Variants in STARD13 observed in about 807,000 individuals in gnomAD.
STARD13 encodes StAR related lipid transfer domain containing 13.
STARD13 carries 62 observed loss-of-function variants against 106.4 expected under a neutral mutation model. That is an observed-to-expected ratio of 0.58 (90% CI 0.48 to 0.72). The LOEUF is 0.72. Among genes scored for constraint, STARD13 ranks in the 30% least tolerant of loss-of-function variants. The probability of loss-of-function intolerance (pLI) is 0.00; values close to 1 mark genes in which losing one functional copy is unlikely to be tolerated. For missense variants in STARD13, 1,387 were observed against 1,424.0 expected (o/e 0.97, Z 0.42); for synonymous variants, 565 against 553.0 (o/e 1.02, Z -0.31).
intron 1 of STARD13, among the ~76,000 whole-genome samples, chr13:33,235,738 A>G (rs559875802): frequency 1.3e-5 from 2 of 152,326 alleles, no homozygotes; most frequent in African/African-American, 4.8e-5. Flanking sequence ...TCCAAATGCA[A>G]ATTCTTGGGT....
chr13:33,163,603 AAAATAT>A (rs1185224767), intron 3 of STARD13, among the ~76,000 whole-genome samples: 2 of 126,774 alleles, frequency 1.6e-5, no homozygotes, highest in East Asian at 2.3e-4. Context: ...AAAAAAAAAA[AAAATAT>A]ATATATATAT....
At chr13:33,201,865 A>C (rs1887061569) in intron 1 of STARD13, among the ~76,000 whole-genome samples, 1 of 152,212 alleles carries the variant, frequency 6.6e-6, no homozygotes, top group Non-Finnish European at 1.5e-5. Flanking sequence ...CCTTATGGTC[A>C]ACATAATTAG....
intron 1 of STARD13, among the ~76,000 whole-genome samples, chr13:33,187,827 C>T (rs183222305): frequency 2.0e-5 from 3 of 152,034 alleles, no homozygotes; most frequent in African/African-American, 4.8e-5. Flanking sequence ...GGATTACAGA[C>T]CTGTGCCACC....
the STARD13 span, among the ~76,000 whole-genome samples, chr13:33,621,230 A>AAC: frequency 0.052 from 7,962 of 152,188 alleles, 385 homozygotes; most frequent in East Asian, 0.17. Flanking sequence ...AAAAAGTGAA[A>AAC]ACAAATTATT....
intron 3 of STARD13, among the ~76,000 whole-genome samples, chr13:33,150,984 T>C (rs185614968): frequency 2.0e-3 from 298 of 152,302 alleles, no homozygotes; most frequent in Non-Finnish European, 2.7e-3. Context: ...GAGAATCTCA[T>C]GGTCCCATGT....
At chr13:33,110,166 T>C (rs1874325632) in intron 11 of STARD13, 76 bp from the exon 12 acceptor site, 1 of 1,359,978 alleles carries the variant, frequency 7.4e-7, no homozygotes, top group African/African-American at 1.4e-5. Context: ...GGGCTTTTAG[T>C]TTTGCTATCA....
chr13:33,309,348 G>A (rs915251711), intron 1 of STARD13, among the ~76,000 whole-genome samples: 2 of 152,162 alleles, frequency 1.3e-5, no homozygotes, highest in African/African-American at 2.4e-5. Context: ...AAGCGGCAGA[G>A]CTGGAAGTAG....
At chr13:33,519,208 T>TTCTTTC in the STARD13 span, among the ~76,000 whole-genome samples, 51 of 101,590 alleles carry the variant, frequency 5.0e-4, no homozygotes, top group African/African-American at 2.2e-3. Context: ...CTTGGTAATT[T>TTCTTTC]TTTCTTTCTT....
chr13:33,410,025 G>T, the STARD13 span, among the ~76,000 whole-genome samples: 1 of 152,154 alleles, frequency 6.6e-6, no homozygotes, highest in African/African-American at 2.4e-5. Context: ...TGCACACCAT[G>T]TACTGTATAT....
At chr13:33,239,487 T>A (rs1889360065) in intron 1 of STARD13, among the ~76,000 whole-genome samples, 2 of 152,176 alleles carry the variant, frequency 1.3e-5, no homozygotes, top group African/African-American at 4.8e-5. Flanking sequence ...TGTTTTTTAT[T>A]CCCATCAACA....
the STARD13 span, among the ~76,000 whole-genome samples, chr13:33,375,560 G>A: frequency 6.6e-6 from 1 of 152,102 alleles, no homozygotes; most frequent in African/African-American, 2.4e-5. Context: ...AGGAAACTTA[G>A]AATCATGGCA....
chr13:33,185,877 C>T, intron 1 of STARD13: 3 of 1,614,002 alleles, frequency 1.9e-6, no homozygotes, highest in Non-Finnish European at 2.5e-6. Context: ...CCAGCACTTA[C>T]CCCGGCGCTG....
At chr13:33,139,737 A>G (rs1879561760) in intron 4 of STARD13, among the ~76,000 whole-genome samples, 2 of 148,650 alleles carry the variant, frequency 1.3e-5, no homozygotes, top group African/African-American at 2.5e-5. Context: ...GCCTAGTCTT[A>G]GCTCCTATTC....
At chr13:33,204,249 T>C (rs1011105161) in intron 1 of STARD13, among the ~76,000 whole-genome samples, 4 of 152,210 alleles carry the variant, frequency 2.6e-5, no homozygotes, top group African/African-American at 9.6e-5. Context: ...CTGGTTGGCA[T>C]AGATGATTCC....
the STARD13 span, among the ~76,000 whole-genome samples, chr13:33,477,748 T>C: frequency 6.6e-6 from 1 of 152,300 alleles, no homozygotes; most frequent in African/African-American, 2.4e-5. Flanking sequence ...AGATTCCCCA[T>C]GACTGAGAAA....
chr13:33,637,640 A>G, the STARD13 span, among the ~76,000 whole-genome samples: 1 of 152,178 alleles, frequency 6.6e-6, no homozygotes, highest in African/African-American at 2.4e-5. Context: ...TTCAACTAAC[A>G]TGGCATTTTC....
intron 1 of STARD13, among the ~76,000 whole-genome samples, chr13:33,230,205 G>A (rs1888843248): frequency 6.6e-6 from 1 of 152,194 alleles, no homozygotes; most frequent in South Asian, 2.1e-4. Flanking sequence ...GATAAATCTT[G>A]TATTGGAAAA....
chr13:33,105,604 T>A lies in STARD13; in HGVS notation c.3331A>T (p.Thr1111Ser). ...ACACTGGGCAAAACTCAGATTTTAGTTTCTGGGCCCTCAGCAATGAGGGGC... is the reference window on the plus strand; with the variant it reads ...ACACTGGGCAAAACTCAGATTTTAGATTCTGGGCCCTCAGCAATGAGGGGC... The part of the protein sequence containing the change: ...FQPLIAEGPE[T>S]KI The change falls in exon 14 of 14, where the codon ACT becomes TCT. Residue 1111 changes from threonine to serine, a missense_variant. Physicochemically the swap from Thr to Ser is moderately conservative, Grantham distance 58 (BLOSUM62 1). Coordinates refer to ENST00000336934, the MANE Select transcript of STARD13 (RefSeq NM_178006.4). The A allele has an allele frequency of 6.2e-7, 1 of 1,613,066 alleles. No individual in the cohort carries two copies. The highest frequency in any genetic ancestry group is 8.5e-7 in the Non-Finnish European group (1 of 1,178,996).
chr13:33,425,537 A>G, the STARD13 span, among the ~76,000 whole-genome samples: 1 of 152,250 alleles, frequency 6.6e-6, no homozygotes, highest in Non-Finnish European at 1.5e-5. Flanking sequence ...TATTGTAATG[A>G]TTGGGATCTT....
Sources: allele counts gnomAD v4.1 joint callset (sites outside exome capture counted in the v4.1 genomes callset), GRCh38; gene constraint gnomAD v4.1.1; transcripts MANE v1.5; gene names NCBI Gene and HGNC (gene_info 2026-07-23, HGNC 2026-07-21).